Variants in ZNF544 observed in about 807,000 individuals in gnomAD.
ZNF544 encodes zinc finger protein 544.
In ZNF544, 10 loss-of-function variants were observed where a neutral mutation model predicts 13.5. The ratio of observed to expected loss-of-function variants is 0.74; its 90% CI spans 0.46 to 1.25. The LOEUF (loss-of-function observed/expected upper bound fraction) is 1.25. Among genes scored for constraint, ZNF544 ranks in the 50% most tolerant of loss-of-function variants. ZNF544 has a pLI of 0.00. For missense variants in ZNF544, 896 were observed against 845.6 expected, an observed-to-expected ratio of 1.06 and a Z score of -0.74; for synonymous variants, 323 against 300.5, an observed-to-expected ratio of 1.07 and a Z score of -0.77.
intron 5 of ZNF544, among the ~76,000 whole-genome samples, chr19:58,274,084 G>A (rs1182624756): frequency 6.6e-6 from 1 of 152,076 alleles, no homozygotes; most frequent in African/African-American, 2.4e-5. Flanking sequence ...GTGAGCCACC[G>A]TGCCCGGCTC....
chr19:58,254,282 C>T (rs918043299), intron 6 of ZNF544, among the ~76,000 whole-genome samples: 1 of 152,036 alleles, frequency 6.6e-6, no homozygotes, highest in Non-Finnish European at 1.5e-5. Context: ...ATCTCACTTT[C>T]CCATTCAACA....
downstream of ZNF544, among the ~76,000 whole-genome samples, chr19:58,264,836 ATC>A (rs1441344636): frequency 6.6e-6 from 1 of 152,086 alleles, no homozygotes; most frequent in African/African-American, 2.4e-5. Flanking sequence ...TTGAGACCCC[ATC>A]TCTACAAAAA....
downstream of ZNF544, chr19:58,267,676 T>TAAAAAAAA (rs56839702): frequency 9.2e-6 from 1 of 108,934 alleles, no homozygotes. Flanking sequence ...AGACTCCATC[T>TAAAAAAAA]AAAAAAAAAA....
At chr19:58,264,384 CAAA>C (rs34082011), downstream of ZNF544, among the ~76,000 whole-genome samples, 11 of 91,234 alleles carry the variant, frequency 1.2e-4, no homozygotes, top group Non-Finnish European at 1.3e-4. Context: ...AACTTCATCT[CAAA>C]AAAAAAAAAA....
rs767554534 is a variant in ZNF544, at chr19:58,262,681, A to C, written c.2075A>C (p.Asp692Ala). ...GGAGAGAAACCCTATGAATGTAGTG[A>C]CTGTGGGAAATCCTTCCGGCAGCAA... ...HSGEKPYECS[D>A]CGKSFRQQSQ... is the part of the protein sequence containing the mutation. Residue 692 changes from aspartate (D) to alanine (A), a missense_variant, in exon 7 of 7, where the codon GAC becomes GCC. Coordinates refer to ENST00000687789, the MANE Select transcript of ZNF544 (RefSeq NM_014480.4). 2 of 1,612,934 alleles carry C rather than the reference A, an allele frequency of 1.2e-6. No homozygotes were observed. Among genetic ancestry groups the C allele is most frequent in the Non-Finnish European group, 1.7e-6 (2 of 1,179,078 alleles).
intron 6 of ZNF544, among the ~76,000 whole-genome samples, chr19:58,255,624 C>G (rs1314478324): frequency 8.3e-6 from 1 of 120,640 alleles, no homozygotes; most frequent in East Asian, 2.6e-4. Flanking sequence ...ACAGTCAAAT[C>G]GAGTAAGAGA....
downstream of ZNF544, chr19:58,263,697 A>T (rs180794818): frequency 3.7e-6 from 2 of 541,246 alleles, no homozygotes; most frequent in African/African-American, 4.1e-5. Context: ...ATGGTGGCTC[A>T]TGCCTGTAAT....
downstream of ZNF544, chr19:58,267,676 TAAAAAAAAAAAA>T (rs56839702): frequency 1.7e-4 from 18 of 108,936 alleles, no homozygotes; most frequent in South Asian, 3.0e-4. Flanking sequence ...AGACTCCATC[TAAAAAAAAAAAA>T]AAAAAAAAAA....
downstream of ZNF544, among the ~76,000 whole-genome samples, chr19:58,264,549 G>C (rs879801296): frequency 6.6e-6 from 1 of 151,730 alleles, no homozygotes; most frequent in African/African-American, 2.4e-5. Flanking sequence ...AAAATTAGCC[G>C]GGTGTGGTGG....
Position 58,245,615 on chromosome 19 carries a change from C to G in ZNF544, c.34-686C>G, listed in dbSNP as rs548299985. 3.0e-4 allele frequency among the ~76,000 whole-genome samples: 45 copies of G among 152,314 alleles called. No individual in the cohort carries two copies. In the South Asian group the frequency reaches 4.1e-3, roughly 14 times the overall value. ...GTGCCCGGTCAATCACCTTCTTCAA[C>G]AGTCACTTTGGGAGTTAGGGTTCAA... On this transcript the variant is annotated intron_variant, in intron 4 of 6. Transcript: ENST00000687789.
chr19:58,235,382 C>G (rs1037980576), intron 3 of ZNF544, among the ~76,000 whole-genome samples: 1 of 152,182 alleles, frequency 6.6e-6, no homozygotes, highest in African/African-American at 2.4e-5. Flanking sequence ...ATCATATCTG[C>G]GGTCTGTCAC....
At chr19:58,260,821 A>G in intron 6 of ZNF544, 30 bp from the exon 7 acceptor site, 1 of 1,488,232 alleles carries the variant, frequency 6.7e-7, no homozygotes, top group Non-Finnish European at 8.9e-7. Context: ...ATGCTTCTCC[A>G]GTAACTTAGG....
At chr19:58,264,251 A>G (rs1600410795), downstream of ZNF544, among the ~76,000 whole-genome samples, 1 of 150,998 alleles carries the variant, frequency 6.6e-6, no homozygotes, top group East Asian at 2.0e-4. Context: ...AAAATTAGCC[A>G]GGTGTGGTGG....
intron 3 of ZNF544, among the ~76,000 whole-genome samples, chr19:58,243,654 T>C (rs1386575395): frequency 1.3e-5 from 2 of 152,116 alleles, no homozygotes; most frequent in Admixed American, 6.6e-5. Context: ...CATTGTGATA[T>C]GCTAAATGTA....
chr19:58,261,850 A>T lies in ZNF544; in HGVS notation c.1244A>T (p.Lys415Ile), dbSNP rs567239449. ...CCCTATGAGTGTGACCTGTGTGGGA[A>T]ATCCTTCACCCAGAGATCCAAACTT... is the stretch of plus-strand genomic sequence containing the variant. ...EKPYECDLCG[K>I]SFTQRSKLIT... is the part of the protein sequence containing the mutation. Residue 415 changes from lysine (K) to isoleucine (I), a missense_variant, in exon 7 of 7, where the codon AAA (lysine) becomes ATA (isoleucine). Coordinates refer to ENST00000687789, the MANE Select transcript of ZNF544 (RefSeq NM_014480.4). 55 of 1,613,698 alleles carry T rather than the reference A, an allele frequency of 3.4e-5. No homozygotes were observed. In the East Asian group the frequency reaches 1.1e-3, roughly 33 times the overall value.
chr19:58,277,181 A>C lies in ZNF544; in HGVS notation c.352-2A>C. 1 of 1,231,726 alleles carries C rather than the reference A, an allele frequency of 8.1e-7. No individual in the cohort carries two copies. The highest frequency in any genetic ancestry group is 1.0e-6 in the Non-Finnish European group (1 of 987,996). 76.3% of individuals were successfully genotyped at this position (1,231,726 alleles called of 1,614,324 possible). A position where few individuals can be genotyped will look rare whatever the true frequency, so the allele number is the denominator to read the frequency against. ...ACTTGCCTAACACCTGCTCCTTCTC[A>C]GGAACGAGGCCCAGCAAAAAGCAGA... On this transcript the variant is annotated splice_acceptor_variant, in intron 6 of 6. Coordinates refer to the ZNF544 transcript ENST00000595981. LOFTEE classifies it high-confidence loss of function.
intron 5 of ZNF544, among the ~76,000 whole-genome samples, chr19:58,271,928 G>C (rs557191895): frequency 6.6e-6 from 1 of 152,058 alleles, no homozygotes; most frequent in South Asian, 2.1e-4. Flanking sequence ...TTGGGAGGCC[G>C]AGGCGGGCGG....
chr19:58,264,803 T>C (rs889477711), downstream of ZNF544, among the ~76,000 whole-genome samples: 3 of 152,188 alleles, frequency 2.0e-5, no homozygotes, highest in African/African-American at 4.8e-5. Context: ...GCCCAGTAGA[T>C]TGAGACCAGT....
chr19:58,236,498 GTC>G (rs2042409809), intron 3 of ZNF544, among the ~76,000 whole-genome samples: 1 of 136,108 alleles, frequency 7.3e-6, no homozygotes. Context: ...GTGAAACTGT[GTC>G]TCAAAAAAAA....
Sources: gnomAD v4.1 joint callset for allele counts (sites outside exome capture counted in the v4.1 genomes callset) on GRCh38, gnomAD v4.1.1 for gene constraint, MANE v1.5 for transcripts, NCBI Gene and HGNC (gene_info 2026-07-23, HGNC 2026-07-21) for gene names.